The following PCDH15 variants were observed in gnomAD, a reference collection of about 807,000 sequenced individuals.
PCDH15 encodes the protein protocadherin related 15, also known as protocadherin-15.
A neutral mutation model predicts 178.5 loss-of-function variants in PCDH15; 129 were observed. The observed-to-expected ratio is 0.72, with a 90% CI of 0.63 to 0.84. The LOEUF (loss-of-function observed/expected upper bound fraction) is 0.84, where lower values mean the gene tolerates loss of function less well. Ranked by LOEUF, PCDH15 falls within the 40% of genes least tolerant of loss-of-function variation. The pLI is 0.00. For missense variants in PCDH15, 2,230 were observed against 2,099.9 expected (o/e 1.06, Z -1.21); for synonymous variants, 800 against 732.0 (o/e 1.09, Z -1.50).
chr10:54,332,242 A>C (rs1236737523), intron 6 of PCDH15, among the ~76,000 whole-genome samples: 1 of 109,560 alleles, frequency 9.1e-6, no homozygotes, highest in East Asian at 2.2e-4. Context: ...TATATATAAT[A>C]TATATATAAT....
In PCDH15 at chr10:55,548,936, G is replaced by T. The variant is rs190234918; in HGVS notation, c.-156+78689C>A. On this transcript the variant is annotated intron_variant, in intron 2 of 5. Coordinates refer to the PCDH15 transcript ENST00000613346. ...GTGCTTTAAAAAAGATGATGGTTTA[G>T]AAAACAAAAGAATAATTTTAGTATT... Among the ~76,000 whole-genome samples, 13 of 152,120 alleles carry T rather than the reference G, an allele frequency of 8.5e-5. No homozygotes were observed. In the East Asian group the frequency reaches 2.3e-3, roughly 27 times the overall value.
intron 3 of PCDH15, among the ~76,000 whole-genome samples, chr10:54,514,664 CT>C (rs1212110787): frequency 5.3e-5 from 5 of 93,858 alleles, no homozygotes; most frequent in African/African-American, 8.2e-5. Context: ...TCAAAATAGA[CT>C]TCAAAAAAAA....
At chr10:54,331,928 T>C (rs1190499943) in intron 6 of PCDH15, among the ~76,000 whole-genome samples, 3 of 151,778 alleles carry the variant, frequency 2.0e-5, no homozygotes, top group African/African-American at 7.2e-5. Context: ...TTTTGAGTAA[T>C]GAAAAAATTT....
chr10:53,827,930 T>A (rs1356200546), intron 31 of PCDH15, among the ~76,000 whole-genome samples: 1 of 152,152 alleles, frequency 6.6e-6, no homozygotes, highest in African/African-American at 2.4e-5. Flanking sequence ...TTTTTCTTTA[T>A]TATTTGTCTT....
intron 2 of PCDH15, among the ~76,000 whole-genome samples, chr10:55,525,786 C>A (rs554329643): frequency 2.0e-5 from 3 of 151,898 alleles, no homozygotes; most frequent in East Asian, 3.9e-4. Context: ...CAAAGTAACT[C>A]CTAAATCTGT....
At chr10:54,523,152 G>A (rs558890946) in intron 3 of PCDH15, among the ~76,000 whole-genome samples, 18 of 152,256 alleles carry the variant, frequency 1.2e-4, no homozygotes, top group African/African-American at 4.3e-4. Context: ...AAGGATTACT[G>A]TATGACAAAA....
intron 2 of PCDH15, among the ~76,000 whole-genome samples, chr10:55,018,590 T>C (rs1214483523): frequency 1.3e-5 from 2 of 152,080 alleles, no homozygotes; most frequent in Non-Finnish European, 1.5e-5. Flanking sequence ...ACTGCAATAG[T>C]CTATGAATAA....
chr10:54,024,369 G>T (rs2093018610), intron 18 of PCDH15, among the ~76,000 whole-genome samples: 1 of 152,108 alleles, frequency 6.6e-6, no homozygotes, highest in Non-Finnish European at 1.5e-5. Context: ...TGCCTTATGA[G>T]CCAGGGACAC....
intron 3 of PCDH15, among the ~76,000 whole-genome samples, chr10:54,886,534 C>T (rs557202911): frequency 1.2e-4 from 19 of 152,158 alleles, no homozygotes; most frequent in Non-Finnish European, 2.5e-4. Flanking sequence ...GGCCAAGGGG[C>T]GCAGATCACT....
At chr10:55,315,591 C>A (rs1246535357) in intron 1 of PCDH15, among the ~76,000 whole-genome samples, 2 of 152,192 alleles carry the variant, frequency 1.3e-5, no homozygotes, top group Non-Finnish European at 2.9e-5. Flanking sequence ...ACCCTCATCA[C>A]CATCCCCACA....
intron 20 of PCDH15, among the ~76,000 whole-genome samples, chr10:54,000,949 G>T (rs1313203116): frequency 6.6e-6 from 1 of 152,074 alleles, no homozygotes; most frequent in Non-Finnish European, 1.5e-5. Context: ...TAAGAGAAAA[G>T]AAACAAATAA....
intron 2 of PCDH15, among the ~76,000 whole-genome samples, chr10:54,633,607 G>GA (rs1203861417): frequency 4.0e-5 from 6 of 151,896 alleles, no homozygotes; most frequent in Non-Finnish European, 7.4e-5. Flanking sequence ...GACACTGGAG[G>GA]AAAAAAGGTT....
chr10:55,317,039 A>G (rs987425639), intron 1 of PCDH15, among the ~76,000 whole-genome samples: 1 of 152,182 alleles, frequency 6.6e-6, no homozygotes, highest in Non-Finnish European at 1.5e-5. Context: ...CATGACGCTT[A>G]TATCAACTGG....
At chr10:54,699,986 G>A (rs564460035) in intron 1 of PCDH15, among the ~76,000 whole-genome samples, 2 of 152,068 alleles carry the variant, frequency 1.3e-5, no homozygotes, top group South Asian at 4.1e-4. Context: ...ATGATGCTCA[G>A]TAAAATCCTT....
At chr10:55,203,588 C>T (rs1181256023) in intron 1 of PCDH15, among the ~76,000 whole-genome samples, 1 of 152,044 alleles carries the variant, frequency 6.6e-6, no homozygotes, top group Non-Finnish European at 1.5e-5. Context: ...TTTCTGTCAT[C>T]TCAGAATAAT....
At chr10:54,479,062 A>T (rs2078499681) in intron 3 of PCDH15, among the ~76,000 whole-genome samples, 1 of 151,922 alleles carries the variant, frequency 6.6e-6, no homozygotes, top group African/African-American at 2.4e-5. Flanking sequence ...AAATGGAGAC[A>T]TAGAAACATT....
chr10:55,134,951 T>G (rs1838149038), intron 2 of PCDH15, among the ~76,000 whole-genome samples: 1 of 152,140 alleles, frequency 6.6e-6, no homozygotes, highest in Admixed American at 6.5e-5. Flanking sequence ...TTCAGAAAAC[T>G]TAATAAAAAT....
chr10:54,731,561 T>TATATATATATATATATAC (rs1566067493), intron 1 of PCDH15, among the ~76,000 whole-genome samples: 14 of 48,302 alleles, frequency 2.9e-4, no homozygotes, highest in African/African-American at 1.0e-3. Flanking sequence ...TATATATATA[T>TATATATATATATATATAC]ATACACACAC....
chr10:55,502,361 C>T (rs1840674848), intron 2 of PCDH15, among the ~76,000 whole-genome samples: 1 of 151,590 alleles, frequency 6.6e-6, no homozygotes, highest in Non-Finnish European at 1.5e-5. Context: ...CCCTTTCAAG[C>T]TTAGAACCCC....
Sources: allele counts gnomAD v4.1 joint callset (sites outside exome capture counted in the v4.1 genomes callset), GRCh38; gene constraint gnomAD v4.1.1; transcripts MANE v1.5; gene names NCBI Gene and HGNC (gene_info 2026-07-23, HGNC 2026-07-21).